Variants in TBC1D9B observed in about 807,000 individuals in gnomAD.
TBC1D9B encodes TBC1 domain family member 9B, also known as TBC1 domain family, member 9B (with GRAM domain).
Under a neutral mutation model 121.1 loss-of-function variants are expected in TBC1D9B, and 87 were observed. The observed-to-expected ratio is 0.72, with a 90% CI of 0.60 to 0.86. The LOEUF (loss-of-function observed/expected upper bound fraction) is 0.86. Ranked by LOEUF, TBC1D9B falls within the 40% of genes least tolerant of loss-of-function variation. The probability of loss-of-function intolerance (pLI) is 0.00; values close to 1 mark genes in which losing one functional copy is unlikely to be tolerated. For synonymous variants in TBC1D9B, 668 were observed against 670.1 expected, an observed-to-expected ratio of 1.00 and a Z score of 0.05; for missense variants, 1,540 against 1,628.6, an observed-to-expected ratio of 0.95 and a Z score of 0.94.
chr5:179,870,667 G>A (rs1323931831), intron 15 of TBC1D9B, 172 bp from the exon 16 acceptor site: 11 of 1,034,292 alleles, frequency 1.1e-5, no homozygotes, highest in African/African-American at 1.6e-5. Context: ...GCTGTCATCA[G>A]CCCCTTGTTA....
chr5:179,897,446 T>C (rs572528246), intron 3 of TBC1D9B, among the ~76,000 whole-genome samples: 1 of 152,044 alleles, frequency 6.6e-6, no homozygotes, highest in African/African-American at 2.4e-5. Flanking sequence ...CCATTCCGAG[T>C]AGCTGGGACT....
In TBC1D9B at chr5:179,890,956, G is replaced by A. The variant is rs1023089930; in HGVS notation, c.1044+423C>T. The stretch of plus-strand genomic sequence containing the variant: ...CCTGCTGGAGCCGAGCCACGCCAAG[G>A]TGGTATGTCCAGAGAGGACTGGTGA... On this transcript the variant is annotated intron_variant, in intron 6 of 20. Coordinates refer to ENST00000355235, the MANE Select transcript of TBC1D9B (RefSeq NM_015043.4). This position sits in a 1 kb window ranked among gnomAD's most constrained non-coding sequence, Gnocchi z 5.0. Among the ~76,000 whole-genome samples, 2 of 152,248 alleles carry A rather than the reference G, an allele frequency of 1.3e-5. No individual in the cohort carries two copies. The highest frequency in any genetic ancestry group is 6.5e-5 in the Admixed American group (1 of 15,288).
rs1760880561 is a variant in TBC1D9B at position 179,891,967 on chromosome 5, C to T, written c.837-381G>A. 6.6e-6 allele frequency among the ~76,000 whole-genome samples: 1 copy of T among 152,126 alleles called. No homozygotes were observed. The highest frequency in any genetic ancestry group is 2.4e-5 in the African/African-American group (1 of 41,424). ...GATGGAGGGCCCCGGGCAGCTCTTCCACCCTGGGCAGGCCTAACCCCAGGT... is the reference window on the plus strand; with the variant it reads ...GATGGAGGGCCCCGGGCAGCTCTTCTACCCTGGGCAGGCCTAACCCCAGGT... On this transcript the variant is annotated intron_variant, in intron 5 of 20. Coordinates refer to ENST00000355235, the MANE Select transcript of TBC1D9B (RefSeq NM_015043.4). The surrounding 1 kb of genome is among the most constrained non-coding windows in gnomAD (Gnocchi z 4.3).
Position 179,885,272 on chromosome 5 carries a change from G to A in TBC1D9B, c.1254+2831C>T, listed in dbSNP as rs248219. On this transcript the variant is annotated intron_variant, in intron 7 of 20. Transcript: ENST00000355235. This position sits in a 1 kb window ranked among gnomAD's most constrained non-coding sequence, Gnocchi z 4.5. ...TTAATCCAATATATCCAAAATACTC[G>A]CATTTCAACAGGAATCAATTAAAAA... Among the ~76,000 whole-genome samples the A allele has an allele frequency of 0.43, 64,602 of 151,972 alleles. 14,720 individuals carry two copies. The highest frequency in any genetic ancestry group is 0.77 in the East Asian group (3,968 of 5,176).
Position 179,863,919 on chromosome 5 carries a change from G to A in TBC1D9B, c.3231C>T (p.Asp1077=), listed in dbSNP as rs759166048. ...DEPPAPELHQ[D]AARELQPPAA... The stretch of plus-strand genomic sequence containing the variant: ...CTGGGGGCTGAAGCTCCCTGGCTGC[G>A]TCCTGATGCAGTTCGGGTGCTGGTG... The change falls in exon 21 of 21, where the codon GAC becomes GAT. Residue 1077 remains aspartate, a synonymous_variant. Coordinates refer to ENST00000355235, the MANE Select transcript of TBC1D9B (RefSeq NM_015043.4). The surrounding 1 kb of genome is among the most constrained non-coding windows in gnomAD (Gnocchi z 4.5). 26 of 1,613,726 alleles carry A rather than the reference G, an allele frequency of 1.6e-5. No individual in the cohort carries two copies. The highest frequency in any genetic ancestry group is 2.2e-5 in the East Asian group (1 of 44,896).
chr5:179,898,141 C>A (rs984170423), intron 3 of TBC1D9B, among the ~76,000 whole-genome samples: 2 of 147,910 alleles, frequency 1.4e-5, no homozygotes, highest in East Asian at 2.1e-4. Flanking sequence ...CATGGCAAAA[C>A]CCCATCTCTA....
Position 179,894,477 on chromosome 5 carries a change from G to T in TBC1D9B, c.486C>A (p.Cys162Ter). Residue 162 changes from cysteine (C) to a stop codon, truncating the protein, a stop_gained, in exon 4 of 21, where the codon TGC becomes TGA. Coordinates refer to ENST00000355235, the MANE Select transcript of TBC1D9B (RefSeq NM_015043.4). LOFTEE classifies it high-confidence loss of function. ...GGGGCACGCGGCCCTTCCAGTAGCT[G>T]CAGGAGTAGTAATTCACCAGCTTCT... ...EGEKLVNYYSCSYWKGRVPRQ... is the reference protein window; with the variant it reads ...EGEKLVNYYS 1 of 1,614,198 alleles carries T rather than the reference G, an allele frequency of 6.2e-7. No homozygotes were observed.
chr5:179,880,145 G>A lies in TBC1D9B; in HGVS notation c.1255-356C>T, dbSNP rs555450587. On this transcript the variant is annotated intron_variant, in intron 7 of 20. Coordinates refer to ENST00000355235, the MANE Select transcript of TBC1D9B (RefSeq NM_015043.4). ...TGGAGGCACACCCCTGCCCACCCTC[G>A]GGCCCATGCTTCCTGGGCTGCACAG... 5 of 289,820 alleles carry A rather than the reference G, an allele frequency of 1.7e-5. No homozygotes were observed. In the East Asian group the frequency reaches 3.9e-4, roughly 23 times the overall value. 18.0% of individuals were successfully genotyped at this position (289,820 alleles called of 1,614,324 possible). A position where few individuals can be genotyped will look rare whatever the true frequency, so the allele number is the denominator to read the frequency against.
chr5:179,867,279 G>A, intron 18 of TBC1D9B: 9 of 742,370 alleles, frequency 1.2e-5, no homozygotes, highest in East Asian at 5.5e-5. Flanking sequence ...CAGCAGACAC[G>A]GAGGCGGTGC....
chr5:179,893,097 G>A (rs1325663914), intron 5 of TBC1D9B, 112 bp downstream of exon 5: 1 of 1,425,470 alleles, frequency 7.0e-7, no homozygotes, highest in Non-Finnish European at 9.3e-7. Flanking sequence ...AGCCCATGAG[G>A]GGTGAATGTG....
rs754375924 is a variant in TBC1D9B at position 179,904,698 on chromosome 5, C to T, written c.229+4G>A. The T allele has an allele frequency of 6.4e-7, 1 of 1,561,814 alleles. No homozygotes were observed. The highest frequency in any genetic ancestry group is 1.9e-4 in the Middle Eastern group (1 of 5,290). On this transcript the variant is annotated splice_donor_region_variant and intron_variant, in intron 2 of 20. Coordinates refer to ENST00000355235, the MANE Select transcript of TBC1D9B (RefSeq NM_015043.4). The surrounding 1 kb of genome is among the most constrained non-coding windows in gnomAD (Gnocchi z 4.2). The stretch of plus-strand genomic sequence containing the variant: ...CAGCACCCCTCACCACTCAGGGCAC[C>T]TACCACACGCCACTGTCCAGTAGAC...
chr5:179,903,461 T>C (rs1310187796), intron 2 of TBC1D9B, among the ~76,000 whole-genome samples: 1 of 152,172 alleles, frequency 6.6e-6, no homozygotes, highest in African/African-American at 2.4e-5. Context: ...GGATTCTCGT[T>C]ATTCAGGTGG....
rs1338587332 is a variant in TBC1D9B at position 179,875,004 on chromosome 5, C to T, written c.2084G>A (p.Gly695Asp). The T allele has an allele frequency of 1.9e-6, 3 of 1,613,876 alleles. No individual in the cohort carries two copies. Among genetic ancestry groups the T allele is most frequent in the Non-Finnish European group, 2.5e-6 (3 of 1,180,042 alleles). ...VVIVDCFFYEGIKVILQVALA... is the reference protein window; with the variant it reads ...VVIVDCFFYEDIKVILQVALA... ...GGCCACCTGCAGGATCACCTTGATG[C>T]CCTCATAGAAAAAGCAGTCGACGAT... Residue 695 changes from glycine (G) to aspartate (D), a missense_variant, in exon 12 of 21, where the codon GGC (glycine) becomes GAC (aspartate). Physicochemically the swap from Gly to Asp is moderately conservative, Grantham distance 94. Coordinates refer to ENST00000355235, the MANE Select transcript of TBC1D9B (RefSeq NM_015043.4). The surrounding 1 kb of genome is among the most constrained non-coding windows in gnomAD (Gnocchi z 4.5).
At position 179,863,774 on chromosome 5, in the gene TBC1D9B, G is replaced by A; in HGVS notation, c.3376C>T (p.Leu1126=). Residue 1126 remains leucine, a synonymous_variant, in exon 21 of 21, where the codon CTG becomes TTG. Coordinates refer to ENST00000355235, the MANE Select transcript of TBC1D9B (RefSeq NM_015043.4). This position sits in a 1 kb window ranked among gnomAD's most constrained non-coding sequence, Gnocchi z 4.5. ...GEGQGSPSQL[L]SDDETKDDMS... is the part of the protein sequence containing the mutation. ...TCGTCTTTGGTTTCATCGTCAGACA[G>A]CAGCTGGGAGGGTGAGCCCTGTCCC... 1 of 1,613,700 alleles carries A rather than the reference G, an allele frequency of 6.2e-7. No homozygotes were observed. Among genetic ancestry groups the A allele is most frequent in the Non-Finnish European group, 8.5e-7 (1 of 1,180,018 alleles).
chr5:179,899,644 T>C (rs1485415651), intron 2 of TBC1D9B, among the ~76,000 whole-genome samples: 6 of 152,220 alleles, frequency 3.9e-5, no homozygotes, highest in African/African-American at 1.4e-4. Context: ...CTTACACTTT[T>C]CCTCAAGTTG....
Position 179,865,641 on chromosome 5 carries a change from G to A in TBC1D9B, c.2914+197C>T. Reference sequence around the variant, plus strand: ...CAGCTGGAGAGAAGCTGGCAAGAGAGGGCTGGCTGGGTGCCCGTGGGGCTG... The same window carrying A: ...CAGCTGGAGAGAAGCTGGCAAGAGAAGGCTGGCTGGGTGCCCGTGGGGCTG... On this transcript the variant is annotated intron_variant, in intron 19 of 20. Transcript: ENST00000355235. This position sits in a 1 kb window ranked among gnomAD's most constrained non-coding sequence, Gnocchi z 5.1. 1 of 648,382 alleles carries A rather than the reference G, an allele frequency of 1.5e-6. No individual in the cohort carries two copies. The highest frequency in any genetic ancestry group is 2.7e-6 in the Non-Finnish European group (1 of 376,926). The allele number at this position is 648,382 out of a possible 1,614,324, so 40.2% of individuals were successfully genotyped here.
chr5:179,894,220 G>A (rs1024509490), intron 4 of TBC1D9B, among the ~76,000 whole-genome samples, 166 bp downstream of exon 4: 4 of 152,188 alleles, frequency 2.6e-5, no homozygotes, highest in Non-Finnish European at 5.9e-5. Context: ...CTGGGAGCAG[G>A]TGTACGCCTG....
At chr5:179,887,472 T>C (rs1174554245) in intron 7 of TBC1D9B, among the ~76,000 whole-genome samples, 2 of 152,242 alleles carry the variant, frequency 1.3e-5, no homozygotes, top group Non-Finnish European at 2.9e-5. Context: ...AGAGACTCTA[T>C]GGCACAAGTG....
At chr5:179,900,701 G>T (rs1443992507) in intron 2 of TBC1D9B, among the ~76,000 whole-genome samples, 1 of 152,088 alleles carries the variant, frequency 6.6e-6, no homozygotes, top group African/African-American at 2.4e-5. Flanking sequence ...ATCCCTGATC[G>T]ATTGGCATTG....
Sources: gnomAD v4.1 joint callset for allele counts (sites outside exome capture counted in the v4.1 genomes callset) on GRCh38, gnomAD v4.1.1 for gene constraint, Gnocchi (gnomAD v3.1) non-coding constraint, MANE v1.5 for transcripts, NCBI Gene and HGNC (gene_info 2026-07-23, HGNC 2026-07-21) for gene names.